Variants in ANO10 observed in about 807,000 individuals in gnomAD.
ANO10 encodes the protein anoctamin 10, also known as anoctamin-10.
Under a neutral mutation model 74.7 loss-of-function variants are expected in ANO10, and 77 were observed. The observed-to-expected ratio is 1.03, with a 90% CI of 0.86 to 1.25. The LOEUF (loss-of-function observed/expected upper bound fraction) is 1.25, where lower values mean the gene tolerates loss of function less well. Ranked by LOEUF, ANO10 falls within the 50% of genes most tolerant of loss-of-function variation. ANO10 has a pLI of 0.00. For synonymous variants in ANO10, 279 were observed against 284.9 expected (o/e 0.98, Z 0.21); for missense variants, 721 against 778.1 (o/e 0.93, Z 0.87).
chr3:43,548,224 C>T (rs149351138), intron 11 of ANO10, among the ~76,000 whole-genome samples: 2 of 152,158 alleles, frequency 1.3e-5, no homozygotes, highest in Non-Finnish European at 2.9e-5. Context: ...TCTGAGTATA[C>T]TGGCAAAGAC....
At chr3:43,413,210 G>C (rs1182910595) in intron 12 of ANO10, among the ~76,000 whole-genome samples, 2 of 152,170 alleles carry the variant, frequency 1.3e-5, no homozygotes, top group African/African-American at 4.8e-5. Context: ...GGAGAGAATG[G>C]AGAGAAGTTC....
chr3:43,395,896 T>A (rs2092369094), intron 12 of ANO10, among the ~76,000 whole-genome samples: 1 of 152,188 alleles, frequency 6.6e-6, no homozygotes, highest in South Asian at 2.1e-4. Flanking sequence ...ATAGTCTCTG[T>A]CACAATGACT....
At chr3:43,475,657 G>A (rs956236184) in intron 11 of ANO10, among the ~76,000 whole-genome samples, 2 of 152,168 alleles carry the variant, frequency 1.3e-5, no homozygotes, top group African/African-American at 4.8e-5. Flanking sequence ...GGAGTGCAAT[G>A]GCGCAACCTT....
At chr3:43,412,598 C>T (rs1240405473) in intron 12 of ANO10, among the ~76,000 whole-genome samples, 2 of 152,210 alleles carry the variant, frequency 1.3e-5, no homozygotes, top group Non-Finnish European at 2.9e-5. Context: ...AAATCTTTGA[C>T]ATAACTTCTC....
intron 11 of ANO10, among the ~76,000 whole-genome samples, chr3:43,522,922 T>TTC (rs1245339602): frequency 6.6e-6 from 1 of 152,008 alleles, no homozygotes; most frequent in Non-Finnish European, 1.5e-5. Flanking sequence ...AAGTTTAGGG[T>TTC]AAAAAATTAT....
intron 12 of ANO10, among the ~76,000 whole-genome samples, chr3:43,379,108 C>T (rs1398237244): frequency 2.6e-5 from 4 of 152,112 alleles, no homozygotes; most frequent in Admixed American, 1.3e-4. Context: ...TGAGCACACA[C>T]GGCAGCCAGT....
At chr3:43,667,775 T>C (rs1165067791) in intron 1 of ANO10, among the ~76,000 whole-genome samples, 2 of 152,202 alleles carry the variant, frequency 1.3e-5, no homozygotes, top group African/African-American at 2.4e-5. Flanking sequence ...CATTATTTTG[T>C]TCCTTTTTAT....
intron 11 of ANO10, among the ~76,000 whole-genome samples, chr3:43,461,962 T>A (rs2075397163): frequency 6.6e-6 from 1 of 152,146 alleles, no homozygotes; most frequent in African/African-American, 2.4e-5. Context: ...ACTTGTTGAA[T>A]GGCTTTGACA....
In ANO10 at chr3:43,366,263, C is replaced by T. The variant is rs544618663; in HGVS notation, c.*643G>A. On this transcript the variant is annotated 3_prime_UTR_variant, in exon 13 of 13. Transcript: ENST00000292246. ...CCTCACCCTGGGCTCCTGATCTCAC[C>T]GCTCCACCTTCAGTGACCTCACCAA... The T allele has an allele frequency of 2.5e-4, 39 of 157,442 alleles. No homozygotes were observed. Among genetic ancestry groups the T allele is most frequent in the African/African-American group, 7.4e-4 (31 of 41,640 alleles). The allele number at this position is 157,442 out of a possible 1,614,324, so 9.8% of individuals were successfully genotyped here.
rs567032190 is a variant in ANO10 at position 43,604,930 on chromosome 3, T to G, written c.139+784A>C. Among the ~76,000 whole-genome samples, 3 of 152,354 alleles carry G rather than the reference T, an allele frequency of 2.0e-5. No individual in the cohort carries two copies. In the East Asian group the frequency reaches 5.8e-4, roughly 29 times the overall value. Reference sequence around the variant, plus strand: ...ATTTTAATTCCACTTTGATTCCAATTTTATTCTTAAGAAATAACTTCAGTT... The same window carrying G: ...ATTTTAATTCCACTTTGATTCCAATGTTATTCTTAAGAAATAACTTCAGTT... On this transcript the variant is annotated intron_variant, in intron 2 of 12. Coordinates refer to ENST00000292246, the MANE Select transcript of ANO10 (RefSeq NM_018075.5).
At position 43,523,933 on chromosome 3, in the gene ANO10, A is replaced by G. The variant is rs147852703; in HGVS notation, c.1797+25787T>C. 1.3e-3 allele frequency among the ~76,000 whole-genome samples: 190 copies of G among 151,996 alleles called. 2 individuals carry two copies. The highest frequency in any genetic ancestry group is 5.4e-4 in the Non-Finnish European group (37 of 67,972). ...GACTAGAGTGTAAGCCATGGAGTAG[A>G]TGAGCTCATCCAGGGGCTACAGTGG... On this transcript the variant is annotated intron_variant, in intron 11 of 12. Transcript: ENST00000292246.
chr3:43,588,071 AG>A (rs747139501), intron 4 of ANO10, among the ~76,000 whole-genome samples: 2 of 152,328 alleles, frequency 1.3e-5, no homozygotes, highest in East Asian at 3.9e-4. Context: ...GGTTTCATAT[AG>A]AAATTCTAAC....
intron 12 of ANO10, among the ~76,000 whole-genome samples, chr3:43,378,162 G>C (rs1409240116): frequency 6.6e-6 from 1 of 152,204 alleles, no homozygotes; most frequent in Non-Finnish European, 1.5e-5. Context: ...TAACTATAAA[G>C]GGAGAACAAC....
Position 43,375,315 on chromosome 3 carries a change from G to A in ANO10, c.1915-8341C>T, listed in dbSNP as rs544808024. Among the ~76,000 whole-genome samples, 9 of 152,146 alleles carry A rather than the reference G, an allele frequency of 5.9e-5. No individual in the cohort carries two copies. In the South Asian group the frequency reaches 1.7e-3, roughly 28 times the overall value. On this transcript the variant is annotated intron_variant, in intron 12 of 12. Transcript: ENST00000292246. Reference sequence around the variant, plus strand: ...ACAAAAAAAATAGACAGGCGTGGTGGCGGGCGCCTGTAATCCCAGCTACTC... The same window carrying A: ...ACAAAAAAAATAGACAGGCGTGGTGACGGGCGCCTGTAATCCCAGCTACTC...
chr3:43,561,635 G>A (rs1173766909), intron 8 of ANO10, among the ~76,000 whole-genome samples: 4 of 152,148 alleles, frequency 2.6e-5, no homozygotes, highest in African/African-American at 7.2e-5. Context: ...GAAAGACCAA[G>A]ATTAAAAGAT....
At chr3:43,385,499 G>A (rs2092089064) in intron 12 of ANO10, among the ~76,000 whole-genome samples, 1 of 152,102 alleles carries the variant, frequency 6.6e-6, no homozygotes, top group African/African-American at 2.4e-5. Context: ...CATAAATATG[G>A]AACCAGCCCA....
chr3:43,530,508 A>G (rs2078414737), intron 11 of ANO10, among the ~76,000 whole-genome samples: 2 of 151,248 alleles, frequency 1.3e-5, no homozygotes, highest in South Asian at 2.1e-4. Flanking sequence ...TATAATAGGT[A>G]TGTAGTAGTC....
At chr3:43,511,818 G>A (rs998545306) in intron 11 of ANO10, among the ~76,000 whole-genome samples, 2 of 152,218 alleles carry the variant, frequency 1.3e-5, no homozygotes, top group Non-Finnish European at 2.9e-5. Flanking sequence ...AATCATGCCT[G>A]TGGGGTAAGA....
chr3:43,409,227 G>C (rs779676115), intron 12 of ANO10, among the ~76,000 whole-genome samples: 2 of 152,010 alleles, frequency 1.3e-5, no homozygotes, highest in African/African-American at 4.8e-5. Context: ...GAAAATGAAG[G>C]AATCTATGAA....
Sources: allele counts gnomAD v4.1 joint callset (sites outside exome capture counted in the v4.1 genomes callset), GRCh38; gene constraint gnomAD v4.1.1; transcripts MANE v1.5; gene names NCBI Gene and HGNC (gene_info 2026-07-23, HGNC 2026-07-21).